The following OSGIN2 variants were observed in gnomAD, a reference collection of about 807,000 sequenced individuals.
The protein encoded by OSGIN2 is oxidative stress induced growth inhibitor family member 2.
In OSGIN2, 19 loss-of-function variants were observed where a neutral mutation model predicts 53.8. The observed-to-expected ratio is 0.35, with a 90% confidence interval of 0.25 to 0.52. OSGIN2 has a LOEUF of 0.52. Among genes scored for constraint, OSGIN2 ranks in the 20% least tolerant of loss-of-function variants. The pLI is 0.95. For missense variants in OSGIN2, 520 were observed against 662.7 expected, an observed-to-expected ratio of 0.78 and a Z score of 2.36; for synonymous variants, 236 against 236.0, an observed-to-expected ratio of 1.00 and a Z score of 0.00.
chr8:89,905,629 A>T (rs1808824773), intron 1 of OSGIN2, among the ~76,000 whole-genome samples: 1 of 152,218 alleles, frequency 6.6e-6, no homozygotes, highest in Non-Finnish European at 1.5e-5. Context: ...TTTGTGTTAA[A>T]CCACTATCAA....
chr8:89,903,636 A>G (rs1310488672), intron 1 of OSGIN2, among the ~76,000 whole-genome samples: 1 of 152,244 alleles, frequency 6.6e-6, no homozygotes, highest in African/African-American at 2.4e-5. Flanking sequence ...CATACAATTT[A>G]GGTAACCCAT....
chr8:89,909,033 A>ATATATAT (rs1187160755), intron 1 of OSGIN2, among the ~76,000 whole-genome samples: 1 of 114,928 alleles, frequency 8.7e-6, no homozygotes, highest in African/African-American at 5.1e-5. Context: ...AAAAAAAAAA[A>ATATATAT]AAAAATATAT....
At position 89,916,257 on chromosome 8, in the gene OSGIN2, A is replaced by G. The variant is rs927566918; in HGVS notation, c.528+1511A>G. ...TTGATCTGTTTCATTTCTTTCACTT[A>G]TGTATAAAAAAGTTAGAAAGTATGG... is the stretch of plus-strand genomic sequence containing the variant. On this transcript the variant is annotated intron_variant, in intron 4 of 5. Transcript: ENST00000451899. Among the ~76,000 whole-genome samples, 3 of 24,120 alleles carry G rather than the reference A, an allele frequency of 1.2e-4. No homozygotes were observed. In the East Asian group the frequency reaches 5.1e-3, roughly 41 times the overall value. 15.8% of individuals were successfully genotyped at this position (24,120 alleles called of 152,430 possible). A position where few individuals can be genotyped will look rare whatever the true frequency, so the allele number is the denominator to read the frequency against.
At chr8:89,917,650 CTCT>C (rs1279916792) in intron 4 of OSGIN2, among the ~76,000 whole-genome samples, 3 of 152,162 alleles carry the variant, frequency 2.0e-5, no homozygotes, top group Non-Finnish European at 4.4e-5. Context: ...AAACCTTTAT[CTCT>C]TTTTTTTCTT....
rs1213271438 is a variant in OSGIN2, at chr8:89,914,165, C to A, written c.288C>A (p.Ile96=). 6.2e-7 allele frequency: 1 copy of A among 1,601,232 alleles called. No individual in the cohort carries two copies. The highest frequency in any genetic ancestry group is 1.7e-4 in the Middle Eastern group (1 of 6,038). The change falls in exon 3 of 6, where the codon ATC becomes ATA. Residue 96 remains isoleucine (I), a synonymous_variant. Transcript: ENST00000451899. ...LSSEAIHPNT[I]LNSKLEEARH... ...CAGAAGCAATACACCCAAATACAATCTTAAATAGTAAATTAGAAGAAGCAA... is the reference window on the plus strand; with the variant it reads ...CAGAAGCAATACACCCAAATACAATATTAAATAGTAAATTAGAAGAAGCAA...
At chr8:89,909,134 TTATAA>T (rs1405884703) in intron 1 of OSGIN2, among the ~76,000 whole-genome samples, 1 of 149,570 alleles carries the variant, frequency 6.7e-6, no homozygotes, top group Non-Finnish European at 1.5e-5. Context: ...AATGCACAAT[TTATAA>T]TATATAAATA....
chr8:89,924,002 T>A (rs753858623), intron 5 of OSGIN2, among the ~76,000 whole-genome samples: 6 of 152,208 alleles, frequency 3.9e-5, no homozygotes, highest in Non-Finnish European at 7.3e-5. Flanking sequence ...AAAAGACAGA[T>A]CTGAATTATT....
chr8:89,910,738 G>C (rs933565700), intron 2 of OSGIN2, among the ~76,000 whole-genome samples: 2 of 152,152 alleles, frequency 1.3e-5, no homozygotes, highest in Non-Finnish European at 2.9e-5. Context: ...TGTGTGGCTA[G>C]GCTGTGGGAA....
At chr8:89,923,675 G>A (rs568749985) in intron 5 of OSGIN2, among the ~76,000 whole-genome samples, 118 of 152,324 alleles carry the variant, frequency 7.7e-4, no homozygotes, top group African/African-American at 2.7e-3. Context: ...GCTAGGCTAA[G>A]CTTTGATGTT....
intron 5 of OSGIN2, 37 bp downstream of exon 5, chr8:89,921,208 G>A (rs1285943352): frequency 1.3e-5 from 16 of 1,219,412 alleles, no homozygotes; most frequent in Admixed American, 6.7e-5. Context: ...TTTGGTGTAC[G>A]TTGAAAAAGA....
intron 4 of OSGIN2, among the ~76,000 whole-genome samples, chr8:89,914,963 T>C (rs1712525111): frequency 6.6e-6 from 1 of 152,232 alleles, no homozygotes; most frequent in Non-Finnish European, 1.5e-5. Flanking sequence ...AGAATAAGCA[T>C]GTCTCTATAC....
At chr8:89,922,704 AGAT>A (rs989372746) in intron 5 of OSGIN2, among the ~76,000 whole-genome samples, 3 of 152,154 alleles carry the variant, frequency 2.0e-5, no homozygotes, top group Admixed American at 2.0e-4. Context: ...TGTAAAATGG[AGAT>A]GATAATACAG....
chr8:89,914,011 C>T, intron 2 of OSGIN2, 66 bp from the exon 3 acceptor site: 2 of 1,401,190 alleles, frequency 1.4e-6, no homozygotes, highest in South Asian at 2.5e-5. Context: ...CAAAGTAGGA[C>T]AAAAGCCAAG....
In OSGIN2 at chr8:89,924,903, T is replaced by G. The variant is rs1384961864; in HGVS notation, c.1021T>G (p.Leu341Val). Residue 341 changes from leucine (L) to valine (V), a missense_variant, in exon 6 of 6, where the codon TTG (leucine) becomes GTG (valine). Physicochemically the swap from Leu to Val is conservative, Grantham distance 32 (BLOSUM62 1). This residue lies in a region of OSGIN2 where 239 missense variants were observed against 328.3 expected (regional missense o/e 0.73). Coordinates refer to ENST00000451899, the MANE Select transcript of OSGIN2 (RefSeq NM_001126111.3). ...EFGAAINKGK[L>V]RGKVDPVLIV... ...TGGAGCTGCTATAAACAAAGGAAAG[T>G]TGCGTGGCAAAGTGGATCCAGTGTT... 6.2e-7 allele frequency: 1 copy of G among 1,614,184 alleles called. No individual in the cohort carries two copies. Among genetic ancestry groups the G allele is most frequent in the South Asian group, 1.1e-5 (1 of 91,088 alleles).
intron 1 of OSGIN2, among the ~76,000 whole-genome samples, chr8:89,904,312 C>G (rs1048400412): frequency 1.3e-5 from 2 of 152,154 alleles, no homozygotes; most frequent in Non-Finnish European, 2.9e-5. Context: ...TTTTGATGCA[C>G]AGTGTAGGAT....
chr8:89,903,703 A>T (rs191539455), intron 1 of OSGIN2, among the ~76,000 whole-genome samples: 2 of 152,360 alleles, frequency 1.3e-5, no homozygotes, highest in Admixed American at 6.5e-5. Flanking sequence ...ACTAATATTC[A>T]GTTAAAATAT....
In OSGIN2 at chr8:89,924,968, G is replaced by A. The variant is rs1809286076; in HGVS notation, c.1086G>A (p.Leu362=). ...GGCTTACTGCCGCTGACGCAGTACT[G>A]TGTGCTTACAACAGTAATATCCCTG... ...GSGLTAADAV[L]CAYNSNIPVI... The change falls in exon 6 of 6, where the codon CTG becomes CTA. Residue 362 remains leucine (L), a synonymous_variant. Coordinates refer to ENST00000451899, the MANE Select transcript of OSGIN2 (RefSeq NM_001126111.3). 1 of 1,614,104 alleles carries A rather than the reference G, an allele frequency of 6.2e-7. No individual in the cohort carries two copies. Among genetic ancestry groups the A allele is most frequent in the South Asian group, 1.1e-5 (1 of 91,086 alleles).
Position 89,914,059 on chromosome 8 carries a change from A to T in OSGIN2, c.200-18A>T. Reference sequence around the variant, plus strand: ...TAAGATGCATGACCTACCCCTTTCCACCTTTTATTTTTAATAGGAAATGGA... The same window carrying T: ...TAAGATGCATGACCTACCCCTTTCCTCCTTTTATTTTTAATAGGAAATGGA... On this transcript the variant is annotated intron_variant, in intron 2 of 5. Coordinates refer to ENST00000451899, the MANE Select transcript of OSGIN2 (RefSeq NM_001126111.3). The T allele has an allele frequency of 6.2e-7, 1 of 1,606,696 alleles. No individual in the cohort carries two copies. The highest frequency in any genetic ancestry group is 8.5e-7 in the Non-Finnish European group (1 of 1,176,238).
At chr8:89,921,978 C>CA (rs34155159) in intron 5 of OSGIN2, among the ~76,000 whole-genome samples, 41,004 of 145,120 alleles carry the variant, frequency 0.28, 5,912 homozygotes, top group East Asian at 0.41. Flanking sequence ...GACTCTGTCT[C>CA]AAAAAAAAAA....
Sources: allele counts gnomAD v4.1 joint callset (sites outside exome capture counted in the v4.1 genomes callset), GRCh38; gene constraint gnomAD v4.1.1; regional missense constraint gnomAD v4.1.1; transcripts MANE v1.5; gene names NCBI Gene and HGNC (gene_info 2026-07-23, HGNC 2026-07-21).